Variants in COL22A1 observed in about 807,000 individuals in gnomAD.
The protein encoded by COL22A1 is collagen alpha-1(XXII) chain.
COL22A1 carries 221 observed loss-of-function variants against 248.9 expected under a neutral mutation model. The observed-to-expected ratio is 0.89, with a 90% CI of 0.80 to 0.99. The LOEUF (loss-of-function observed/expected upper bound fraction) is 0.99, where lower values mean the gene tolerates loss of function less well. Ranked by LOEUF, COL22A1 falls within the 50% of genes least tolerant of loss-of-function variation. The pLI is 0.00. For missense variants in COL22A1, 2,240 were observed against 2,179.0 expected, an observed-to-expected ratio of 1.03 and a Z score of -0.56; for synonymous variants, 891 against 793.4, an observed-to-expected ratio of 1.12 and a Z score of -2.07.
At chr8:138,776,261 C>T (rs939786708) in intron 15 of COL22A1, among the ~76,000 whole-genome samples, 2 of 152,122 alleles carry the variant, frequency 1.3e-5, no homozygotes, top group Admixed American at 1.3e-4. Context: ...TTGGCTTAGG[C>T]GATCCAGGTC....
intron 49 of COL22A1, among the ~76,000 whole-genome samples, chr8:138,634,396 G>A (rs1263036532): frequency 6.6e-6 from 1 of 152,048 alleles, no homozygotes; most frequent in Non-Finnish European, 1.5e-5. Flanking sequence ...GGCTTGGCAG[G>A]AACACTAATT....
At chr8:138,715,614 A>T (rs1829368606) in intron 30 of COL22A1, 68 bp downstream of exon 30, 7 of 1,150,626 alleles carry the variant, frequency 6.1e-6, no homozygotes. Context: ...TTCTGCAGAA[A>T]ATCTCTTCCT....
chr8:138,659,646 C>T (rs1245131542), intron 44 of COL22A1, among the ~76,000 whole-genome samples: 1 of 152,188 alleles, frequency 6.6e-6, no homozygotes, highest in African/African-American at 2.4e-5. Flanking sequence ...GAGGGTCCAC[C>T]TATAGCCAGG....
At chr8:138,629,176 ATATG>A (rs1820505511) in intron 50 of COL22A1, among the ~76,000 whole-genome samples, 1 of 151,738 alleles carries the variant, frequency 6.6e-6, no homozygotes, top group Non-Finnish European at 1.5e-5. Flanking sequence ...AATCATTTGC[ATATG>A]GAGTCTCACT....
intron 22 of COL22A1, among the ~76,000 whole-genome samples, chr8:138,742,012 G>C (rs1831613735): frequency 3.4e-5 from 5 of 149,048 alleles, no homozygotes; most frequent in Admixed American, 3.3e-4. Flanking sequence ...TGGTGATGGT[G>C]ATGGTAGAGT....
At chr8:138,742,226 A>ATGGTGATGG (rs998296321) in intron 22 of COL22A1, among the ~76,000 whole-genome samples, 2 of 147,418 alleles carry the variant, frequency 1.4e-5, no homozygotes, top group Non-Finnish European at 3.0e-5. Flanking sequence ...GGTGGAGTTG[A>ATGGTGATGG]TGGTGATGGT....
intron 25 of COL22A1, 126 bp downstream of exon 25, chr8:138,724,489 C>T (rs1048376499): frequency 8.1e-6 from 7 of 862,052 alleles, no homozygotes; most frequent in Admixed American, 4.2e-5. Context: ...GGGCTGCAGG[C>T]CTTGCTGGCC....
chr8:138,626,766 GCTTTACTATCT>G (rs773502148), intron 50 of COL22A1, among the ~76,000 whole-genome samples: 3 of 152,060 alleles, frequency 2.0e-5, no homozygotes, highest in Non-Finnish European at 4.4e-5. Flanking sequence ...ACCAATAATT[GCTTTACTATCT>G]CTTTCCTTGT....
chr8:138,906,595 G>T (rs902484357), intron 1 of COL22A1, among the ~76,000 whole-genome samples: 1 of 151,564 alleles, frequency 6.6e-6, no homozygotes, highest in African/African-American at 2.4e-5. Flanking sequence ...ATTTTTAATT[G>T]AAACTTTTAT....
intron 3 of COL22A1, among the ~76,000 whole-genome samples, chr8:138,849,803 G>A (rs1275232350): frequency 1.3e-5 from 2 of 152,194 alleles, no homozygotes; most frequent in Non-Finnish European, 2.9e-5. Flanking sequence ...CAGCTGACAA[G>A]TGGCACAGAA....
At chr8:138,869,727 TCCCAA>T (rs1823174921) in intron 3 of COL22A1, among the ~76,000 whole-genome samples, 1 of 152,212 alleles carries the variant, frequency 6.6e-6, no homozygotes, top group African/African-American at 2.4e-5. Context: ...CTAATAAGCC[TCCCAA>T]GAGGAACTCC....
rs752460748 is a variant in COL22A1 at position 138,616,901 on chromosome 8, G to A, written c.3870+13C>T. 3.1e-6 allele frequency: 5 copies of A among 1,614,084 alleles called. No individual in the cohort carries two copies. The South Asian group carries it at 5.5e-5, about 18-fold the overall frequency. ...CCACCTGGGGGGACCTCCAAAGTGA[G>A]GCGCCCACTTACCCGGGGACCGGGT... On this transcript the variant is annotated intron_variant, in intron 54 of 64. Transcript: ENST00000303045.
chr8:138,835,174 C>T (rs923868211), intron 4 of COL22A1, among the ~76,000 whole-genome samples: 26 of 152,156 alleles, frequency 1.7e-4, no homozygotes, highest in Non-Finnish European at 2.8e-4. Context: ...GTTCCCTGCC[C>T]TTTGCCATCC....
intron 37 of COL22A1, among the ~76,000 whole-genome samples, chr8:138,688,411 C>T (rs1826538080): frequency 1.3e-5 from 2 of 151,960 alleles, no homozygotes; most frequent in Admixed American, 1.3e-4. Flanking sequence ...ATCCCAGCTA[C>T]TCAGGAGGCT....
At chr8:138,608,794 C>G (rs879406413) in intron 56 of COL22A1, among the ~76,000 whole-genome samples, 5 of 152,112 alleles carry the variant, frequency 3.3e-5, no homozygotes, top group Non-Finnish European at 5.9e-5. Context: ...CACACTCCCC[C>G]ACTCAGGGCA....
intron 3 of COL22A1, among the ~76,000 whole-genome samples, chr8:138,868,058 C>T (rs529972276): frequency 2.6e-5 from 4 of 152,272 alleles, no homozygotes; most frequent in East Asian, 1.9e-4. Flanking sequence ...CCACCGCACC[C>T]GGCCTATTGT....
At chr8:138,821,490 A>G in intron 6 of COL22A1, 79 bp from the exon 7 acceptor site, 1 of 1,433,022 alleles carries the variant, frequency 7.0e-7, no homozygotes, top group Non-Finnish European at 9.7e-7. Context: ...GGGAGTTCAG[A>G]GTCAGACCTG....
chr8:138,623,710 T>C (rs751980310), intron 52 of COL22A1, 22 bp downstream of exon 52: 8 of 1,596,786 alleles, frequency 5.0e-6, no homozygotes, highest in Middle Eastern at 3.4e-4. Flanking sequence ...TGTGATATAA[T>C]AGGAAGTTTA....
At position 138,826,542 on chromosome 8, in the gene COL22A1, A is replaced by G. The variant is rs533487220; in HGVS notation, c.969+116T>C. The G allele has an allele frequency of 1.2e-4, 132 of 1,121,204 alleles. No homozygotes were observed. In the African/African-American group the frequency reaches 1.8e-3, roughly 15 times the overall value. 69.5% of individuals were successfully genotyped at this position (1,121,204 alleles called of 1,614,324 possible). Reference sequence around the variant, plus strand: ...TGAGCCTCCATACGCCAGGCTCTCTATCTCTCTAGGCCCAGGGATAAGAGC... The same window carrying G: ...TGAGCCTCCATACGCCAGGCTCTCTGTCTCTCTAGGCCCAGGGATAAGAGC... On this transcript the variant is annotated intron_variant, in intron 6 of 64. Coordinates refer to ENST00000303045, the MANE Select transcript of COL22A1 (RefSeq NM_152888.3).
Sources: gnomAD v4.1 joint callset for allele counts (sites outside exome capture counted in the v4.1 genomes callset) on GRCh38, gnomAD v4.1.1 for gene constraint, MANE v1.5 for transcripts, NCBI Gene and HGNC (gene_info 2026-07-23, HGNC 2026-07-21) for gene names.